CHSY3: variants seen among roughly 807,000 people sequenced by gnomAD.
CHSY3 encodes chondroitin sulfate synthase 3.
A neutral mutation model predicts 67.2 loss-of-function variants in CHSY3; 35 were observed. That is an observed-to-expected ratio of 0.52 (90% CI 0.40 to 0.69). CHSY3 has a LOEUF of 0.69. CHSY3 is among the 30% of genes least tolerant of loss of function. CHSY3 has a pLI of 0.00. For missense variants in CHSY3, 1,069 were observed against 1,138.5 expected, an observed-to-expected ratio of 0.94 and a Z score of 0.88; for synonymous variants, 474 against 434.7, an observed-to-expected ratio of 1.09 and a Z score of -1.12.
intron 2 of CHSY3, among the ~76,000 whole-genome samples, chr5:129,933,228 G>C (rs946282017): frequency 2.1e-4 from 32 of 152,104 alleles, no homozygotes; most frequent in Admixed American, 1.1e-3. Context: ...TGTTAGCCTG[G>C]ATGGCCACAA....
At chr5:130,116,230 A>G (rs1261274359) in intron 2 of CHSY3, among the ~76,000 whole-genome samples, 2 of 152,212 alleles carry the variant, frequency 1.3e-5, no homozygotes, top group African/African-American at 4.8e-5. Flanking sequence ...CCACAGCCTT[A>G]GGCAATCATA....
At chr5:130,161,717 T>A (rs1769549035) in intron 2 of CHSY3, among the ~76,000 whole-genome samples, 1 of 152,110 alleles carries the variant, frequency 6.6e-6, no homozygotes, top group Non-Finnish European at 1.5e-5. Context: ...ACTTTAATGT[T>A]TGACTTCTTC....
chr5:129,941,743 A>G (rs1258447263), intron 2 of CHSY3, among the ~76,000 whole-genome samples: 1 of 152,114 alleles, frequency 6.6e-6, no homozygotes, highest in Non-Finnish European at 1.5e-5. Flanking sequence ...TTCAGTTCTC[A>G]TGCTCTCTAC....
At chr5:129,971,546 A>G (rs1264649112) in intron 2 of CHSY3, among the ~76,000 whole-genome samples, 1 of 151,972 alleles carries the variant, frequency 6.6e-6, no homozygotes, top group Non-Finnish European at 1.5e-5. Flanking sequence ...CTGTCTTCAC[A>G]GCAACTCTGT....
chr5:129,932,063 A>G (rs988976287), intron 2 of CHSY3, among the ~76,000 whole-genome samples: 11 of 150,442 alleles, frequency 7.3e-5, no homozygotes, highest in Non-Finnish European at 3.0e-5. Flanking sequence ...ATATATTTGT[A>G]TATAAACAAT....
chr5:130,057,765 A>C (rs1765582204), intron 2 of CHSY3, among the ~76,000 whole-genome samples: 1 of 152,196 alleles, frequency 6.6e-6, no homozygotes, highest in Admixed American at 6.5e-5. Context: ...CAAGATGTTT[A>C]CCCAATTTGT....
intron 2 of CHSY3, among the ~76,000 whole-genome samples, chr5:130,079,867 C>T (rs529566150): frequency 3.3e-5 from 5 of 152,114 alleles, no homozygotes; most frequent in East Asian, 3.9e-4. Flanking sequence ...TACATTAGCA[C>T]GAGAATTTAT....
intron 2 of CHSY3, among the ~76,000 whole-genome samples, chr5:130,072,480 T>C (rs943161106): frequency 6.6e-6 from 1 of 152,122 alleles, no homozygotes; most frequent in Non-Finnish European, 1.5e-5. Flanking sequence ...AATACTTGGG[T>C]TTGTTTCTGG....
Position 129,955,282 on chromosome 5 carries a change from T to A in CHSY3, c.1086+46922T>A, listed in dbSNP as rs181922313. Among the ~76,000 whole-genome samples the A allele has an allele frequency of 2.0e-5, 3 of 152,244 alleles. 1 individual carries two copies. The highest frequency in any genetic ancestry group is 2.0e-4 in the Admixed American group (3 of 15,270). On this transcript the variant is annotated intron_variant, in intron 2 of 2. Coordinates refer to ENST00000305031, the MANE Select transcript of CHSY3 (RefSeq NM_175856.5). ...TATCCCCCTCTTTTCCTTGGAGACA[T>A]CTTCTGGTGCCTTCTACCGTCTTGC... is the stretch of plus-strand genomic sequence containing the variant.
chr5:130,020,445 ATATATATATATATATATTTTT>A (rs778306799), intron 2 of CHSY3, among the ~76,000 whole-genome samples: 335 of 13,610 alleles, frequency 0.025, 10 homozygotes, highest in African/African-American at 0.044. Flanking sequence ...ATATATATAT[ATATATATATATATATATTTTT>A]TTTTTTTTTT....
intron 2 of CHSY3, among the ~76,000 whole-genome samples, chr5:130,091,257 C>T (rs957150145): frequency 3.9e-5 from 6 of 151,998 alleles, no homozygotes; most frequent in Non-Finnish European, 5.9e-5. Flanking sequence ...CAAGTGTCCT[C>T]GATTTAAAAA....
intron 2 of CHSY3, among the ~76,000 whole-genome samples, chr5:130,096,770 C>T (rs1054190547): frequency 6.6e-6 from 1 of 152,038 alleles, no homozygotes; most frequent in Non-Finnish European, 1.5e-5. Context: ...TTTTTATTTG[C>T]AGCCAAATTC....
chr5:130,100,808 T>C (rs1267435475), intron 2 of CHSY3, among the ~76,000 whole-genome samples: 11 of 152,182 alleles, frequency 7.2e-5, no homozygotes, highest in African/African-American at 2.7e-4. Flanking sequence ...ATTCAGGAAA[T>C]GTATACCTGT....
intron 2 of CHSY3, among the ~76,000 whole-genome samples, chr5:130,048,635 GCT>G (rs150014220): frequency 2.0e-4 from 30 of 149,664 alleles, no homozygotes; most frequent in East Asian, 3.9e-4. Flanking sequence ...TAATTACTCT[GCT>G]CTCTCTCTCT....
chr5:129,904,874 G>C lies in CHSY3; in HGVS notation c.45G>C (p.Gly15=). The C allele has an allele frequency of 1.3e-6, 2 of 1,507,288 alleles. No individual in the cohort carries two copies. The highest frequency in any genetic ancestry group is 1.8e-6 in the Non-Finnish European group (2 of 1,127,186). The allele number at this position is 1,507,288 out of a possible 1,614,324, so 93.4% of individuals were successfully genotyped here. A position where few individuals can be genotyped will look rare whatever the true frequency, so the allele number is the denominator to read the frequency against. The part of the protein sequence containing the change: ...SRRPWMSVAL[G]LVLGFTAASW... ...GCCCGTGGATGAGCGTGGCATTAGG[G>C]CTGGTGCTGGGCTTCACCGCCGCGT... The change falls in exon 1 of 3, where the codon GGG becomes GGC. Residue 15 remains glycine, a synonymous_variant. Transcript: ENST00000305031.
chr5:130,059,274 C>A (rs563512530), intron 2 of CHSY3, among the ~76,000 whole-genome samples: 2 of 152,210 alleles, frequency 1.3e-5, no homozygotes, highest in South Asian at 4.1e-4. Context: ...AGGACTGCAA[C>A]ATCAACTTTT....
At chr5:130,137,899 T>C (rs193224302) in intron 2 of CHSY3, among the ~76,000 whole-genome samples, 99 of 152,324 alleles carry the variant, frequency 6.5e-4, no homozygotes, top group Admixed American at 9.1e-4. Context: ...CCAACATTGT[T>C]ACAACTTCTA....
chr5:129,994,380 G>A (rs1227372016), intron 2 of CHSY3, among the ~76,000 whole-genome samples: 7 of 152,032 alleles, frequency 4.6e-5, no homozygotes, highest in Non-Finnish European at 7.4e-5. Context: ...TTTTCACATA[G>A]TCCCATATTT....
intron 2 of CHSY3, among the ~76,000 whole-genome samples, chr5:130,093,224 T>A (rs1766937989): frequency 1.3e-5 from 2 of 152,194 alleles, no homozygotes; most frequent in Non-Finnish European, 2.9e-5. Context: ...TATGAGTCAC[T>A]CTTCCAGGAC....
Sources: gnomAD v4.1 joint callset for allele counts (sites outside exome capture counted in the v4.1 genomes callset) on GRCh38, gnomAD v4.1.1 for gene constraint, MANE v1.5 for transcripts, NCBI Gene and HGNC (gene_info 2026-07-23, HGNC 2026-07-21) for gene names.